Variants in RBFOX1 observed in about 807,000 individuals in gnomAD.
RBFOX1 encodes the protein RNA binding fox-1 homolog 1, also known as RNA binding protein fox-1 homolog 1.
RBFOX1 carries 8 observed loss-of-function variants against 57.7 expected under a neutral mutation model. The observed-to-expected ratio is 0.14, with a 90% CI of 0.08 to 0.25. The LOEUF is 0.25. RBFOX1 is among the 10% of genes least tolerant of loss of function. RBFOX1 has a pLI of 1.00. For synonymous variants in RBFOX1, 326 were observed against 222.4 expected, an observed-to-expected ratio of 1.47 and a Z score of -4.15; for missense variants, 611 against 548.5, an observed-to-expected ratio of 1.11 and a Z score of -1.14.
chr16:7,522,607 T>C (rs1260456806), intron 5 of RBFOX1, among the ~76,000 whole-genome samples: 1 of 152,198 alleles, frequency 6.6e-6, no homozygotes, highest in Admixed American at 6.5e-5. Flanking sequence ...AGATTGCATC[T>C]GAGAAGCAAA....
chr16:7,281,479 C>G (rs541591268), intron 4 of RBFOX1, among the ~76,000 whole-genome samples: 277 of 152,208 alleles, frequency 1.8e-3, no homozygotes, highest in African/African-American at 6.4e-3. Flanking sequence ...CACTGTATAT[C>G]TCTCCCAAGT....
intron 1 of RBFOX1, among the ~76,000 whole-genome samples, chr16:5,240,834 C>G (rs892740048): frequency 6.6e-6 from 1 of 152,166 alleles, no homozygotes; most frequent in Non-Finnish European, 1.5e-5. Context: ...CTGGGGTTCA[C>G]TTTCTGCTTT....
chr16:7,280,116 G>T lies in RBFOX1; in HGVS notation c.27+228018G>T, dbSNP rs367885526. Among the ~76,000 whole-genome samples the T allele has an allele frequency of 6.6e-5, 10 of 152,360 alleles. No individual in the cohort carries two copies. The East Asian group carries it at 1.4e-3, about 21-fold the overall frequency. ...GAGAGCCAGCTTCTGAATCCTGGCTGAGTTTGACTTCGTTGACCACAGAGT... is the reference window on the plus strand; with the variant it reads ...GAGAGCCAGCTTCTGAATCCTGGCTTAGTTTGACTTCGTTGACCACAGAGT... On this transcript the variant is annotated intron_variant, in intron 4 of 15. Transcript: ENST00000550418.
chr16:7,434,116 C>T (rs751808173), intron 4 of RBFOX1, among the ~76,000 whole-genome samples: 10 of 151,516 alleles, frequency 6.6e-5, no homozygotes, highest in Admixed American at 1.3e-4. Context: ...TTGGAGAGCA[C>T]GGAGTAAAGT....
intron 2 of RBFOX1, among the ~76,000 whole-genome samples, chr16:6,576,351 A>C (rs536282795): frequency 6.6e-6 from 1 of 152,272 alleles, no homozygotes; most frequent in South Asian, 2.1e-4. Flanking sequence ...GTGGGAGGAA[A>C]CCGGAGTACC....
intron 1 of RBFOX1, among the ~76,000 whole-genome samples, chr16:6,091,958 C>T (rs1409441584): frequency 6.6e-6 from 1 of 152,222 alleles, no homozygotes; most frequent in Non-Finnish European, 1.5e-5. Flanking sequence ...TGTCCATCTA[C>T]CCATGCATCT....
chr16:6,415,545 A>G (rs11864871), intron 2 of RBFOX1, among the ~76,000 whole-genome samples: 17,570 of 151,930 alleles, frequency 0.12, 1,729 homozygotes, highest in African/African-American at 0.26. Context: ...TACTAAAAAT[A>G]CAAAAATTAG....
intron 1 of RBFOX1, among the ~76,000 whole-genome samples, chr16:6,203,866 A>G (rs962174235): frequency 6.8e-4 from 104 of 152,212 alleles, no homozygotes; most frequent in Non-Finnish European, 3.1e-4. Context: ...TCTTTCATCT[A>G]TTGTGTATCT....
chr16:6,612,110 A>G lies in RBFOX1; in HGVS notation c.-63-42493A>G, dbSNP rs572580523. Among the ~76,000 whole-genome samples the G allele has an allele frequency of 7.9e-5, 12 of 152,280 alleles. No individual in the cohort carries two copies. In the East Asian group the frequency reaches 1.2e-3, roughly 15 times the overall value. ...AACCCTCCCCTCTTGCATATGGTAC[A>G]TGATGCATCTAGGGATTATCCCTGG... On this transcript the variant is annotated intron_variant, in intron 2 of 15. Transcript: ENST00000550418.
intron 3 of RBFOX1, among the ~76,000 whole-genome samples, chr16:6,703,442 T>G (rs1355500210): frequency 1.3e-5 from 2 of 151,952 alleles, no homozygotes; most frequent in African/African-American, 4.8e-5. Flanking sequence ...CCAGGTATCG[T>G]GGTACATGCC....
At position 5,291,475 on chromosome 16, in the gene RBFOX1, G is replaced by A. The variant is rs570770389; in HGVS notation, c.219+51370G>A. Among the ~76,000 whole-genome samples, 3 of 152,190 alleles carry A rather than the reference G, an allele frequency of 2.0e-5. No homozygotes were observed. The South Asian group carries it at 6.2e-4, about 32-fold the overall frequency. The stretch of plus-strand genomic sequence containing the variant: ...AGACGGGGTTTCACCCTGTTAGCGA[G>A]AATGGTCTGGATCTCCCTAATGTCA... On this transcript the variant is annotated intron_variant, in intron 1 of 2. Transcript: ENST00000585867.
intron 3 of RBFOX1, among the ~76,000 whole-genome samples, chr16:6,828,423 C>A (rs530616356): frequency 1.3e-5 from 2 of 151,842 alleles, no homozygotes; most frequent in Non-Finnish European, 2.9e-5. Context: ...ACTCAGGAGA[C>A]TGAGGCAGGA....
At chr16:6,499,599 G>A (rs911106071) in intron 2 of RBFOX1, among the ~76,000 whole-genome samples, 4 of 152,032 alleles carry the variant, frequency 2.6e-5, no homozygotes, top group African/African-American at 9.7e-5. Flanking sequence ...CTTCTGCAGT[G>A]GGAATGATTC....
chr16:6,040,582 C>T (rs1227443468), intron 1 of RBFOX1, among the ~76,000 whole-genome samples: 2 of 151,208 alleles, frequency 1.3e-5, no homozygotes, highest in South Asian at 2.1e-4. Flanking sequence ...CTCTCTCTCT[C>T]TCTTTCTTTC....
At chr16:6,368,457 G>C (rs17140008) in intron 2 of RBFOX1, among the ~76,000 whole-genome samples, 2 of 152,182 alleles carry the variant, frequency 1.3e-5, no homozygotes, top group African/African-American at 4.8e-5. Flanking sequence ...TACACGGATC[G>C]TGCTGGTTCC....
At chr16:6,801,248 C>CA (rs2085369683) in intron 3 of RBFOX1, among the ~76,000 whole-genome samples, 2 of 149,342 alleles carry the variant, frequency 1.3e-5, no homozygotes, top group Non-Finnish European at 3.0e-5. Context: ...TTTTGCCATG[C>CA]AATTAAAATG....
At chr16:7,297,780 A>G (rs1474017870) in intron 4 of RBFOX1, among the ~76,000 whole-genome samples, 1 of 152,176 alleles carries the variant, frequency 6.6e-6, no homozygotes, top group East Asian at 1.9e-4. Flanking sequence ...TATTGTGAAA[A>G]TCTAAGCGAC....
At chr16:6,979,176 A>G (rs540469390) in intron 3 of RBFOX1, among the ~76,000 whole-genome samples, 1 of 152,344 alleles carries the variant, frequency 6.6e-6, no homozygotes, top group South Asian at 2.1e-4. Flanking sequence ...GATAGTATTC[A>G]GGAAGTTGAA....
intron 3 of RBFOX1, among the ~76,000 whole-genome samples, chr16:6,656,800 T>C (rs2098656668): frequency 6.6e-6 from 1 of 152,048 alleles, no homozygotes; most frequent in Non-Finnish European, 1.5e-5. Context: ...TAAGAAAAAA[T>C]AATGCCCAGT....
Sources: gnomAD v4.1 joint callset for allele counts (sites outside exome capture counted in the v4.1 genomes callset) on GRCh38, gnomAD v4.1.1 for gene constraint, MANE v1.5 for transcripts, NCBI Gene and HGNC (gene_info 2026-07-23, HGNC 2026-07-21) for gene names.